The following CREB5 variants were observed in gnomAD, a reference collection of about 807,000 sequenced individuals.
CREB5 encodes cyclic AMP-responsive element-binding protein 5.
A neutral mutation model predicts 57.1 loss-of-function variants in CREB5; 19 were observed. The observed-to-expected ratio is 0.33, with a 90% CI of 0.23 to 0.49. The LOEUF (loss-of-function observed/expected upper bound fraction) is 0.49. Among genes scored for constraint, CREB5 ranks in the 20% least tolerant of loss-of-function variants. The probability of loss-of-function intolerance (pLI) is 0.99; values close to 1 mark genes in which losing one functional copy is unlikely to be tolerated. For missense variants in CREB5, 579 were observed against 671.6 expected, an observed-to-expected ratio of 0.86 and a Z score of 1.52; for synonymous variants, 238 against 238.3, an observed-to-expected ratio of 1.00 and a Z score of 0.01.
intron 1 of CREB5, among the ~76,000 whole-genome samples, chr7:28,478,902 C>G (rs578039658): frequency 1.3e-5 from 2 of 152,326 alleles, no homozygotes; most frequent in East Asian, 3.9e-4. Flanking sequence ...ATGTTGGCAA[C>G]AGACCCCAGC....
chr7:28,804,119 G>T, intron 7 of CREB5, 80 bp from the exon 8 acceptor site: 1 of 1,296,254 alleles, frequency 7.7e-7, no homozygotes, highest in South Asian at 1.4e-5. Context: ...TTGAAAATGT[G>T]AGTCATTTTG....
intron 1 of CREB5, among the ~76,000 whole-genome samples, chr7:28,484,383 G>A (rs1390120205): frequency 6.6e-6 from 1 of 152,132 alleles, no homozygotes; most frequent in African/African-American, 2.4e-5. Flanking sequence ...AAGTAATAAA[G>A]CCTACATGGT....
intron 5 of CREB5, among the ~76,000 whole-genome samples, chr7:28,596,959 C>T (rs1193215148): frequency 6.6e-6 from 1 of 152,186 alleles, no homozygotes; most frequent in African/African-American, 2.4e-5. Flanking sequence ...TCCCATCACA[C>T]TCAGTGCTTC....
chr7:28,645,661 A>G (rs552883595), intron 5 of CREB5, among the ~76,000 whole-genome samples: 2 of 152,334 alleles, frequency 1.3e-5, no homozygotes, highest in African/African-American at 4.8e-5. Flanking sequence ...TGATGCTGGT[A>G]TGTACTAGGA....
At chr7:28,433,650 T>C (rs1162015307) in intron 1 of CREB5, among the ~76,000 whole-genome samples, 1 of 152,144 alleles carries the variant, frequency 6.6e-6, no homozygotes, top group East Asian at 1.9e-4. Context: ...ATTTACATCT[T>C]TTTATTCTGG....
In CREB5 at chr7:28,617,557, C is replaced by T. The variant is rs141787643; in HGVS notation, c.464+47020C>T. ...TCACACTGGTTTGTGATGGAGGAAG[C>T]ACATAAATAACATCTACAGTTCTCA... On this transcript the variant is annotated intron_variant, in intron 5 of 10. Transcript: ENST00000357727. 3.9e-5 allele frequency among the ~76,000 whole-genome samples: 6 copies of T among 152,312 alleles called. No individual in the cohort carries two copies. The East Asian group carries it at 7.7e-4, about 20-fold the overall frequency.
intron 1 of CREB5, among the ~76,000 whole-genome samples, chr7:28,387,394 T>C (rs1193908486): frequency 1.3e-5 from 2 of 152,232 alleles, no homozygotes; most frequent in African/African-American, 4.8e-5. Context: ...TATTTGTTCA[T>C]GTCCTTTGCC....
chr7:28,682,184 G>C (rs1255299286), intron 5 of CREB5, among the ~76,000 whole-genome samples: 1 of 152,208 alleles, frequency 6.6e-6, no homozygotes, highest in African/African-American at 2.4e-5. Flanking sequence ...ACCAAGGGCA[G>C]ATCACTCCCT....
chr7:28,450,467 C>A (rs1789742845), intron 1 of CREB5, among the ~76,000 whole-genome samples: 1 of 152,180 alleles, frequency 6.6e-6, no homozygotes, highest in Non-Finnish European at 1.5e-5. Context: ...GATAATTTAC[C>A]AAGCTTGCAA....
chr7:28,680,872 C>A (rs1038467379), intron 5 of CREB5, among the ~76,000 whole-genome samples: 1 of 152,154 alleles, frequency 6.6e-6, no homozygotes, highest in South Asian at 2.1e-4. Context: ...CTGACATCAC[C>A]TTTCTTTGGA....
intron 9 of CREB5, among the ~76,000 whole-genome samples, chr7:28,813,348 G>A (rs1809240164): frequency 6.6e-6 from 1 of 152,212 alleles, no homozygotes; most frequent in African/African-American, 2.4e-5. Flanking sequence ...GTGTTCAGTA[G>A]AGGATATGGA....
intron 1 of CREB5, among the ~76,000 whole-genome samples, chr7:28,325,162 A>C (rs1785563736): frequency 6.6e-6 from 1 of 152,218 alleles, no homozygotes; most frequent in Non-Finnish European, 1.5e-5. Flanking sequence ...AGATGTTTAA[A>C]AAATGTAAAT....
chr7:28,611,529 G>A (rs914987884), intron 5 of CREB5, among the ~76,000 whole-genome samples: 1 of 148,490 alleles, frequency 6.7e-6, no homozygotes, highest in Non-Finnish European at 1.5e-5. Context: ...AGCTGGGTGT[G>A]GTGGTGTGCC....
chr7:28,577,847 C>T (rs1271448665), intron 5 of CREB5, among the ~76,000 whole-genome samples: 2 of 152,150 alleles, frequency 1.3e-5, no homozygotes, highest in Admixed American at 6.5e-5. Flanking sequence ...CTCAGTGCTG[C>T]GTGTGTGACT....
chr7:28,790,655 C>G (rs939144801), intron 7 of CREB5, among the ~76,000 whole-genome samples: 1 of 152,214 alleles, frequency 6.6e-6, no homozygotes, highest in African/African-American at 2.4e-5. Flanking sequence ...GCTCACTTAT[C>G]GTGGACATGC....
intron 4 of CREB5, among the ~76,000 whole-genome samples, chr7:28,558,858 C>T (rs991194643): frequency 1.3e-5 from 2 of 152,108 alleles, no homozygotes; most frequent in African/African-American, 2.4e-5. Context: ...TACTTTTATA[C>T]GTGTCCTTAT....
chr7:28,737,397 C>G (rs920142086), intron 7 of CREB5, among the ~76,000 whole-genome samples: 1 of 151,520 alleles, frequency 6.6e-6, no homozygotes, highest in Non-Finnish European at 1.5e-5. Flanking sequence ...TTCTTCCCCC[C>G]TCTGTTCCTC....
intron 4 of CREB5, among the ~76,000 whole-genome samples, chr7:28,537,040 A>T (rs1793989699): frequency 1.3e-5 from 2 of 152,252 alleles, no homozygotes; most frequent in Non-Finnish European, 2.9e-5. Flanking sequence ...TAATGCTTAC[A>T]GTCCTATTTA....
chr7:28,739,876 T>A (rs1804235632), intron 7 of CREB5, among the ~76,000 whole-genome samples: 1 of 152,244 alleles, frequency 6.6e-6, no homozygotes, highest in Non-Finnish European at 1.5e-5. Flanking sequence ...AGCAAGCAAC[T>A]GGGAAGCTGA....
Sources: allele counts gnomAD v4.1 joint callset (sites outside exome capture counted in the v4.1 genomes callset), GRCh38; gene constraint gnomAD v4.1.1; transcripts MANE v1.5; gene names NCBI Gene and HGNC (gene_info 2026-07-23, HGNC 2026-07-21).